The following POU2AF1 variants were observed in gnomAD, a reference collection of about 807,000 sequenced individuals.
POU2AF1 encodes the protein POU class 2 homeobox associating factor 1.
Under a neutral mutation model 26.3 loss-of-function variants are expected in POU2AF1, and 12 were observed. The ratio of observed to expected loss-of-function variants is 0.46; its 90% CI spans 0.29 to 0.74. POU2AF1 has a LOEUF of 0.74. Ranked by LOEUF, POU2AF1 falls within the 30% of genes least tolerant of loss-of-function variation. The pLI is 0.09. For missense variants in POU2AF1, 297 were observed against 334.5 expected (o/e 0.89, Z 0.87); for synonymous variants, 175 against 148.0 (o/e 1.18, Z -1.32).
chr11:111,369,249 C>A (rs1324480907), intron 1 of POU2AF1, among the ~76,000 whole-genome samples: 1 of 152,216 alleles, frequency 6.6e-6, no homozygotes, highest in Non-Finnish European at 1.5e-5. Flanking sequence ...ATACGATGAG[C>A]TGAGCAGAAG....
At chr11:111,365,935 GA>G (rs1173821139) in intron 1 of POU2AF1, among the ~76,000 whole-genome samples, 3 of 152,096 alleles carry the variant, frequency 2.0e-5, no homozygotes, top group Non-Finnish European at 4.4e-5. Flanking sequence ...GACTTCTAGA[GA>G]ACATTAACTC....
At chr11:111,364,059 CT>C (rs5794741) in intron 1 of POU2AF1, 645,311 of 955,390 alleles carry the variant, frequency 0.68, 220,576 homozygotes, top group Non-Finnish European at 0.7. Flanking sequence ...AATTTGGCCC[CT>C]ATAAGGGCTT....
Position 111,372,560 on chromosome 11 carries a change from T to G in POU2AF1, c.16+6602A>C, listed in dbSNP as rs748005718. ...ACTTGAGGTCTGTTCACATGAATTT[T>G]GCTTTGTAGGAGAGTTACTAACTTA... On this transcript the variant is annotated intron_variant, in intron 1 of 4. Coordinates refer to ENST00000393067, the MANE Select transcript of POU2AF1 (RefSeq NM_006235.3). 2.6e-5 allele frequency among the ~76,000 whole-genome samples: 4 copies of G among 152,246 alleles called. 1 individual carries two copies. The highest frequency in any genetic ancestry group is 2.0e-4 in the Admixed American group (3 of 15,288).
At chr11:111,364,384 T>G (rs1023221417) in intron 1 of POU2AF1, 1 of 152,234 alleles carries the variant, frequency 6.6e-6, no homozygotes, top group Non-Finnish European at 1.5e-5. Flanking sequence ...CCAGGAAACA[T>G]GCAAAATTGT....
In POU2AF1 at chr11:111,354,156, G is replaced by A. The variant is rs2135102841; in HGVS notation, c.*105C>T. ...ACAATTCTAGCTGTGCGTAGAAAGT[G>A]TAGTCATGAAATGACTACTCCAAAC... On this transcript the variant is annotated 3_prime_UTR_variant, in exon 5 of 5. Coordinates refer to ENST00000393067, the MANE Select transcript of POU2AF1 (RefSeq NM_006235.3). 8.0e-7 allele frequency: 1 copy of A among 1,247,838 alleles called. No homozygotes were observed. Among genetic ancestry groups the A allele is most frequent in the East Asian group, 2.4e-5 (1 of 41,346 alleles). 77.3% of individuals were successfully genotyped at this position (1,247,838 alleles called of 1,614,324 possible).
intron 4 of POU2AF1, among the ~76,000 whole-genome samples, chr11:111,355,947 CA>C (rs1224672345): frequency 3.9e-5 from 6 of 152,304 alleles, no homozygotes; most frequent in African/African-American, 1.4e-4. Context: ...CTACATTTCC[CA>C]GTCATAAACC....
intron 2 of POU2AF1, among the ~76,000 whole-genome samples, chr11:111,358,226 C>T (rs928147876): frequency 6.6e-6 from 1 of 151,814 alleles, no homozygotes. Context: ...AAGGGACCTG[C>T]GCTCCTTCCT....
intron 1 of POU2AF1, among the ~76,000 whole-genome samples, chr11:111,378,688 A>AC (rs11369314): frequency 1 from 152,133 of 152,194 alleles, 76,036 homozygotes; most frequent in Middle Eastern, 1. Context: ...GACAAGTCAC[A>AC]CCTGGCAGAA....
intron 1 of POU2AF1, among the ~76,000 whole-genome samples, chr11:111,368,235 G>A (rs1414875931): frequency 6.6e-6 from 1 of 152,158 alleles, no homozygotes; most frequent in Non-Finnish European, 1.5e-5. Flanking sequence ...CAGCAAACTG[G>A]GGCCCCAAGT....
At chr11:111,376,325 T>C (rs1861309278) in intron 1 of POU2AF1, among the ~76,000 whole-genome samples, 1 of 152,214 alleles carries the variant, frequency 6.6e-6, no homozygotes, top group Admixed American at 6.5e-5. Flanking sequence ...CCCTCCAAGG[T>C]TCCTGCTATT....
intron 1 of POU2AF1, chr11:111,364,072 C>G (rs1489764926): frequency 1.6e-5 from 14 of 901,960 alleles, no homozygotes; most frequent in Non-Finnish European, 1.9e-5. Flanking sequence ...TAAGGGCTTC[C>G]CTTTTCCAAA....
intron 2 of POU2AF1, 110 bp downstream of exon 2, chr11:111,358,678 A>G (rs1860937857): frequency 7.8e-7 from 1 of 1,281,822 alleles, no homozygotes; most frequent in Non-Finnish European, 1.1e-6. Flanking sequence ...ACAAACACAT[A>G]CACACACGCA....
intron 1 of POU2AF1, chr11:111,377,820 C>T: frequency 5.4e-6 from 1 of 185,512 alleles, no homozygotes; most frequent in Non-Finnish European, 1.1e-5. Context: ...CTGCCATTGT[C>T]CCAGAAAGGA....
At chr11:111,377,861 A>T (rs956344171) in intron 1 of POU2AF1, 1 of 182,806 alleles carries the variant, frequency 5.5e-6, no homozygotes, top group Admixed American at 6.3e-5. Flanking sequence ...GCCTGTTGGG[A>T]AGAGTGGCGT....
chr11:111,354,071 G>A lies in POU2AF1; in HGVS notation c.*190C>T, dbSNP rs1339329080. ...GGGAGGGGAAGAATGGAAGGATGGG[G>A]GAGAGGGAGGAAGTGAGGGAGGGAG... On this transcript the variant is annotated 3_prime_UTR_variant, in exon 5 of 5. Transcript: ENST00000393067. The A allele has an allele frequency of 1.9e-6, 1 of 532,592 alleles. No individual in the cohort carries two copies. The highest frequency in any genetic ancestry group is 2.1e-5 in the African/African-American group (1 of 46,512). 33.0% of individuals were successfully genotyped at this position (532,592 alleles called of 1,614,324 possible). A position where few individuals can be genotyped will look rare whatever the true frequency, so the allele number is the denominator to read the frequency against.
intron 1 of POU2AF1, among the ~76,000 whole-genome samples, chr11:111,371,909 C>A (rs1861215644): frequency 6.6e-6 from 1 of 151,892 alleles, no homozygotes; most frequent in African/African-American, 2.4e-5. Flanking sequence ...ATCTGCCTGC[C>A]CCAGAAGCTA....
chr11:111,363,752 G>C, intron 1 of POU2AF1: 2 of 898,950 alleles, frequency 2.2e-6, no homozygotes, highest in Non-Finnish European at 2.7e-6. Flanking sequence ...TCCCACAGTA[G>C]AGTTCTCCAG....
chr11:111,374,022 C>T (rs891980558), intron 1 of POU2AF1, among the ~76,000 whole-genome samples: 1 of 151,532 alleles, frequency 6.6e-6, no homozygotes, highest in Non-Finnish European at 1.5e-5. Flanking sequence ...GGGGAAAAAA[C>T]ACTTTGTAAT....
intron 1 of POU2AF1, among the ~76,000 whole-genome samples, chr11:111,365,857 CAA>C (rs35060957): frequency 0.54 from 73,605 of 136,908 alleles, 19,091 homozygotes; most frequent in Admixed American, 0.64. Flanking sequence ...AACTCCATCT[CAA>C]AAAAAAAAAA....
Sources: allele counts gnomAD v4.1 joint callset (sites outside exome capture counted in the v4.1 genomes callset), GRCh38; gene constraint gnomAD v4.1.1; transcripts MANE v1.5; gene names NCBI Gene and HGNC (gene_info 2026-07-23, HGNC 2026-07-21).